The following CTNNA2 variants were observed in gnomAD, a reference collection of about 807,000 sequenced individuals.
CTNNA2 encodes catenin alpha 2.
In CTNNA2, 42 loss-of-function variants were observed where a neutral mutation model predicts 101.0. The observed-to-expected ratio is 0.42, with a 90% confidence interval of 0.32 to 0.54. CTNNA2 has a LOEUF of 0.54. Among genes scored for constraint, CTNNA2 ranks in the 20% least tolerant of loss-of-function variants. CTNNA2 has a pLI of 0.14. For missense variants in CTNNA2, 871 were observed against 1,223.1 expected (o/e 0.71, Z 4.29); for synonymous variants, 450 against 456.4 (o/e 0.99, Z 0.18).
At chr2:80,095,742 G>T (rs1400663650) in intron 7 of CTNNA2, among the ~76,000 whole-genome samples, 3 of 152,156 alleles carry the variant, frequency 2.0e-5, no homozygotes, top group Non-Finnish European at 2.9e-5. Flanking sequence ...GAGGGTGTAT[G>T]TGTCGAGGAA....
In CTNNA2 at chr2:80,201,064, A is replaced by G. The variant is rs552131217; in HGVS notation, c.1057-192147A>G. Among the ~76,000 whole-genome samples the G allele has an allele frequency of 1.0e-3, 158 of 152,270 alleles. 2 individuals are homozygous for G. In the Middle Eastern group the frequency reaches 0.024, roughly 23 times the overall value. ...CATAGTATTTACACATAACCTGCAC[A>G]CATCCTCTCATTTACTTTAACCATC... On this transcript the variant is annotated intron_variant, in intron 7 of 18. Transcript: ENST00000402739.
At chr2:79,281,832 A>G (rs1675394316) in intron 2 of CTNNA2, among the ~76,000 whole-genome samples, 2 of 152,232 alleles carry the variant, frequency 1.3e-5, no homozygotes. Context: ...AATTTATGGC[A>G]TAGATTCCAG....
At chr2:79,584,636 T>A (rs1269258665) in intron 1 of CTNNA2, among the ~76,000 whole-genome samples, 1 of 151,928 alleles carries the variant, frequency 6.6e-6, no homozygotes, top group Non-Finnish European at 1.5e-5. Context: ...GAGATTCTCC[T>A]TCCTCAGCCT....
Position 80,102,091 on chromosome 2 carries a change from C to G in CTNNA2, c.1056+192294C>G, listed in dbSNP as rs543039549. ...CCATGTGTGTGTGGCTTTGCTCCCT[C>G]TTGAGTTGCAGTCTCTCTGACAGTA... is the stretch of plus-strand genomic sequence containing the variant. On this transcript the variant is annotated intron_variant, in intron 7 of 18. Coordinates refer to ENST00000402739, the MANE Select transcript of CTNNA2 (RefSeq NM_001282597.3). Among the ~76,000 whole-genome samples the G allele has an allele frequency of 4.6e-5, 7 of 152,316 alleles. No homozygotes were observed. In the South Asian group the frequency reaches 1.5e-3, roughly 32 times the overall value.
At chr2:79,520,267 T>G (rs1398340944) in intron 1 of CTNNA2, among the ~76,000 whole-genome samples, 1 of 152,248 alleles carries the variant, frequency 6.6e-6, no homozygotes, top group Non-Finnish European at 1.5e-5. Context: ...TGATCTGCTC[T>G]CTGTCACTAT....
chr2:79,579,677 C>T (rs1184019918), intron 1 of CTNNA2, among the ~76,000 whole-genome samples: 2 of 152,140 alleles, frequency 1.3e-5, no homozygotes, highest in African/African-American at 2.4e-5. Context: ...TGCCATGGCA[C>T]GATCTTGGCT....
intron 2 of CTNNA2, among the ~76,000 whole-genome samples, chr2:79,303,582 G>T (rs2104392582): frequency 6.6e-6 from 1 of 152,160 alleles, no homozygotes; most frequent in South Asian, 2.1e-4. Context: ...TATGCTGTCA[G>T]ATGTCTTTAT....
intron 4 of CTNNA2, among the ~76,000 whole-genome samples, chr2:79,492,123 G>A (rs1387894556): frequency 6.6e-6 from 1 of 151,904 alleles, no homozygotes; most frequent in Non-Finnish European, 1.5e-5. Flanking sequence ...GATATTGTAT[G>A]TACCTATAAT....
Position 79,901,553 on chromosome 2 carries a change from C to T in CTNNA2, c.853-8041C>T, listed in dbSNP as rs532741968. Among the ~76,000 whole-genome samples, 31 of 152,242 alleles carry T rather than the reference C, an allele frequency of 2.0e-4. 1 individual carries two copies. The highest frequency in any genetic ancestry group is 7.0e-4 in the African/African-American group (29 of 41,550). ...AAAAAAGTTATGAAAATCAGCCACA[C>T]TTTATATTATCAAATTGCTTTCTTT... On this transcript the variant is annotated intron_variant, in intron 6 of 18. Transcript: ENST00000402739.
At chr2:79,709,674 CTG>C (rs1685620307) in intron 2 of CTNNA2, among the ~76,000 whole-genome samples, 1 of 152,040 alleles carries the variant, frequency 6.6e-6, no homozygotes, top group South Asian at 2.1e-4. Flanking sequence ...ACCTCAGAAA[CTG>C]TGGGCATGTT....
At chr2:79,318,537 A>G (rs1023125822) in intron 3 of CTNNA2, among the ~76,000 whole-genome samples, 3 of 152,160 alleles carry the variant, frequency 2.0e-5, no homozygotes, top group African/African-American at 7.2e-5. Context: ...AGAGATGCAT[A>G]TATCATTATT....
intron 4 of CTNNA2, among the ~76,000 whole-genome samples, chr2:79,374,836 T>A (rs1677948349): frequency 6.6e-6 from 1 of 152,184 alleles, no homozygotes; most frequent in Admixed American, 6.5e-5. Context: ...AATGGGTGAC[T>A]TGACTGGAAG....
chr2:79,391,552 A>G (rs1678172638), intron 4 of CTNNA2, among the ~76,000 whole-genome samples: 2 of 152,122 alleles, frequency 1.3e-5, no homozygotes, highest in Non-Finnish European at 2.9e-5. Flanking sequence ...TGGACTTTCA[A>G]CTGTTGGGGG....
At chr2:79,310,087 A>G (rs1676332961) in intron 2 of CTNNA2, among the ~76,000 whole-genome samples, 1 of 152,164 alleles carries the variant, frequency 6.6e-6, no homozygotes, top group Admixed American at 6.5e-5. Flanking sequence ...TATCTAATGT[A>G]TCCAATAGCC....
Position 79,881,488 on chromosome 2 carries a change from C to T in CTNNA2, c.852+7146C>T, listed in dbSNP as rs553407170. On this transcript the variant is annotated intron_variant, in intron 6 of 18. Transcript: ENST00000402739. ...TCTCTAAGAACTTGTTTTATGAATC[C>T]GGTGCTCTTGTATTGGGTGCATATA... Among the ~76,000 whole-genome samples the T allele has an allele frequency of 4.5e-4, 69 of 152,124 alleles. 1 individual carries two copies. Among genetic ancestry groups the T allele is most frequent in the African/African-American group, 1.4e-3 (59 of 41,528 alleles).
intron 1 of CTNNA2, among the ~76,000 whole-genome samples, chr2:79,187,270 C>CTTTTTTTTTTTTTTTTTTTTTTTT (rs781414965): frequency 1.2e-4 from 8 of 65,436 alleles, no homozygotes; most frequent in African/African-American, 2.1e-4. Flanking sequence ...CTTTTCTTTT[C>CTTTTTTTTTTTTTTTTTTTTTTTT]TTTTTTTTTT....
intron 9 of CTNNA2, among the ~76,000 whole-genome samples, chr2:80,467,927 G>T (rs1684989070): frequency 6.6e-6 from 1 of 152,128 alleles, no homozygotes; most frequent in African/African-American, 2.4e-5. Flanking sequence ...AATTTCTGTT[G>T]TTTATAAATT....
intron 7 of CTNNA2, among the ~76,000 whole-genome samples, chr2:80,239,376 T>G (rs79629458): frequency 0.05 from 7,599 of 152,192 alleles, 384 homozygotes; most frequent in South Asian, 0.27. Context: ...TGTATGTGTG[T>G]GGGGAGTGTG....
At chr2:79,371,183 G>C (rs185484082) in intron 3 of CTNNA2, among the ~76,000 whole-genome samples, 183 of 152,138 alleles carry the variant, frequency 1.2e-3, no homozygotes, top group African/African-American at 3.3e-3. Context: ...ACTTTTATTA[G>C]ACAATACTGG....
Sources: allele counts gnomAD v4.1 joint callset (sites outside exome capture counted in the v4.1 genomes callset), GRCh38; gene constraint gnomAD v4.1.1; transcripts MANE v1.5; gene names NCBI Gene and HGNC (gene_info 2026-07-23, HGNC 2026-07-21).